SLC39A11: variants seen among roughly 807,000 people sequenced by gnomAD.
The protein encoded by SLC39A11 is solute carrier family 39 member 11.
SLC39A11 carries 33 observed loss-of-function variants against 36.1 expected under a neutral mutation model. The ratio of observed to expected loss-of-function variants is 0.91; its 90% CI spans 0.69 to 1.22. The LOEUF is 1.22. SLC39A11 is among the 50% of genes most tolerant of loss of function. The pLI is 0.00. For synonymous variants in SLC39A11, 166 were observed against 170.3 expected (o/e 0.97, Z 0.20); for missense variants, 432 against 430.3 (o/e 1.00, Z -0.03).
chr17:72,953,623 T>C (rs2086025042), intron 4 of SLC39A11, among the ~76,000 whole-genome samples: 1 of 152,176 alleles, frequency 6.6e-6, no homozygotes, highest in Non-Finnish European at 1.5e-5. Context: ...CAGAGCTACC[T>C]GCATATTAAG....
At chr17:73,060,857 C>T (rs935869437) in intron 3 of SLC39A11, among the ~76,000 whole-genome samples, 4 of 152,084 alleles carry the variant, frequency 2.6e-5, no homozygotes, top group African/African-American at 7.2e-5. Context: ...ACTAAATTTC[C>T]TTGTCAATTG....
intron 6 of SLC39A11, among the ~76,000 whole-genome samples, chr17:72,814,068 C>T (rs866490867): frequency 3.3e-5 from 5 of 152,164 alleles, no homozygotes; most frequent in Admixed American, 1.3e-4. Flanking sequence ...TAGAACAACA[C>T]GGCATGTCTA....
At chr17:72,801,925 A>G (rs183753939) in intron 6 of SLC39A11, among the ~76,000 whole-genome samples, 62 of 152,366 alleles carry the variant, frequency 4.1e-4, no homozygotes, top group African/African-American at 1.4e-3. Flanking sequence ...AAAACACTCT[A>G]TAATAGGGTT....
At chr17:72,963,520 C>T (rs993923337) in intron 4 of SLC39A11, among the ~76,000 whole-genome samples, 21 of 152,048 alleles carry the variant, frequency 1.4e-4, no homozygotes, top group African/African-American at 4.8e-4. Flanking sequence ...CCTACCACCA[C>T]ATATCTGTTT....
chr17:72,722,779 T>C (rs2073750747), intron 7 of SLC39A11, among the ~76,000 whole-genome samples: 1 of 151,972 alleles, frequency 6.6e-6, no homozygotes, highest in African/African-American at 2.4e-5. Context: ...GGATTACAGG[T>C]GCCTGCCACC....
chr17:73,078,186 C>A (rs1486890844), intron 3 of SLC39A11, among the ~76,000 whole-genome samples: 9 of 147,100 alleles, frequency 6.1e-5, no homozygotes, highest in Non-Finnish European at 1.2e-4. Context: ...TGTAGTGAGC[C>A]AAGACCACAC....
intron 7 of SLC39A11, among the ~76,000 whole-genome samples, chr17:72,729,478 TG>T (rs1567995504): frequency 8.2e-5 from 6 of 72,832 alleles, no homozygotes; most frequent in Admixed American, 3.1e-4. Flanking sequence ...TTTTTTTTTT[TG>T]TAGAGACAGG....
intron 5 of SLC39A11, among the ~76,000 whole-genome samples, chr17:72,927,935 T>C (rs1386086681): frequency 6.6e-6 from 1 of 152,054 alleles, no homozygotes. Flanking sequence ...TCCTGAGCCA[T>C]ATAGCACAGT....
intron 4 of SLC39A11, among the ~76,000 whole-genome samples, chr17:72,964,895 A>T (rs2086856349): frequency 6.6e-6 from 1 of 152,234 alleles, no homozygotes; most frequent in Non-Finnish European, 1.5e-5. Context: ...AATGTGGCAC[A>T]TATACACCAT....
At chr17:72,895,173 C>G (rs1182226183) in intron 5 of SLC39A11, among the ~76,000 whole-genome samples, 1 of 152,054 alleles carries the variant, frequency 6.6e-6, no homozygotes, top group Non-Finnish European at 1.5e-5. Context: ...AGGCAGCGGG[C>G]AGGGAAGGCT....
At chr17:73,060,159 G>A (rs1392671054) in intron 3 of SLC39A11, among the ~76,000 whole-genome samples, 2 of 134,778 alleles carry the variant, frequency 1.5e-5, no homozygotes, top group African/African-American at 5.6e-5. Context: ...GCAGTGAGCC[G>A]AGATCACGCC....
At chr17:73,048,936 T>C (rs938821994) in intron 3 of SLC39A11, among the ~76,000 whole-genome samples, 6 of 152,154 alleles carry the variant, frequency 3.9e-5, no homozygotes, top group Non-Finnish European at 7.4e-5. Flanking sequence ...GAATAGATAA[T>C]AACGCAGATG....
At chr17:73,084,725 G>T in intron 3 of SLC39A11, 83 bp downstream of exon 3, 1 of 1,375,606 alleles carries the variant, frequency 7.3e-7, no homozygotes. Context: ...GTCGCAAGGG[G>T]AGGGACTGAA....
At chr17:72,674,994 G>GTA (rs2071192287) in intron 7 of SLC39A11, among the ~76,000 whole-genome samples, 1 of 151,658 alleles carries the variant, frequency 6.6e-6, no homozygotes. Flanking sequence ...GTATGTGTGT[G>GTA]TGTGTGTGTG....
intron 6 of SLC39A11, among the ~76,000 whole-genome samples, chr17:72,785,981 G>A (rs1722299665): frequency 1.3e-5 from 2 of 152,184 alleles, no homozygotes; most frequent in South Asian, 4.1e-4. Flanking sequence ...TCAGGCTGCT[G>A]AGTATTCATT....
intron 6 of SLC39A11, among the ~76,000 whole-genome samples, chr17:72,797,058 T>A (rs967441053): frequency 6.6e-6 from 1 of 152,140 alleles, no homozygotes; most frequent in Non-Finnish European, 1.5e-5. Flanking sequence ...TGCAACAGTG[T>A]TGTAGCTTGA....
rs570836033 is a variant in SLC39A11, at chr17:72,845,725, C to T, written c.601+3909G>A. ...TGATATAACCCAAGTACATGGAATA[C>T]AATACTCAAATATAATAAATAAAAG... On this transcript the variant is annotated intron_variant, in intron 6 of 9. Coordinates refer to ENST00000255559, the MANE Select transcript of SLC39A11 (RefSeq NM_139177.4). 2.5e-4 allele frequency among the ~76,000 whole-genome samples: 38 copies of T among 152,250 alleles called. 1 individual carries two copies. The South Asian group carries it at 7.3e-3, about 29-fold the overall frequency.
chr17:72,754,039 T>TATAC (rs2075267712), intron 6 of SLC39A11, among the ~76,000 whole-genome samples: 1 of 109,738 alleles, frequency 9.1e-6, no homozygotes, highest in Admixed American at 1.0e-4. Flanking sequence ...TATATATATA[T>TATAC]ATATATACAC....
chr17:73,067,930 A>T, intron 3 of SLC39A11: 1 of 1,604,720 alleles, frequency 6.2e-7, no homozygotes, highest in Admixed American at 1.7e-5. Context: ...CAAAACACTC[A>T]GAGAGAGTTC....
Sources: allele counts gnomAD v4.1 joint callset (sites outside exome capture counted in the v4.1 genomes callset), GRCh38; gene constraint gnomAD v4.1.1; transcripts MANE v1.5; gene names NCBI Gene and HGNC (gene_info 2026-07-23, HGNC 2026-07-21).